The following MYO3B variants were observed in gnomAD, a reference collection of about 807,000 sequenced individuals.
MYO3B encodes the protein myosin IIIB.
In MYO3B, 156 loss-of-function variants were observed where a neutral mutation model predicts 174.6. That is an observed-to-expected ratio of 0.89 (90% CI 0.78 to 1.02). The LOEUF is 1.02. Among genes scored for constraint, MYO3B ranks in the 50% least tolerant of loss-of-function variants. MYO3B has a pLI of 0.00. For missense variants in MYO3B, 1,632 were observed against 1,639.4 expected (o/e 1.00, Z 0.08); for synonymous variants, 563 against 569.1 (o/e 0.99, Z 0.15).
Position 170,515,950 on chromosome 2 carries a change from T to G in MYO3B, c.3472+928T>G, listed in dbSNP as rs1377480763. ...AGTGTTTCTTGAACTTGAGGAGACT[T>G]GGGGATGGAGACAATGAGAAAGTTT... On this transcript the variant is annotated intron_variant, in intron 29 of 34. Coordinates refer to ENST00000408978, the MANE Select transcript of MYO3B (RefSeq NM_138995.5). 2.0e-5 allele frequency among the ~76,000 whole-genome samples: 3 copies of G among 152,114 alleles called. No homozygotes were observed. The East Asian group carries it at 5.8e-4, about 29-fold the overall frequency.
intron 7 of MYO3B, among the ~76,000 whole-genome samples, chr2:170,274,133 A>G (rs1260334962): frequency 6.6e-6 from 1 of 152,060 alleles, no homozygotes; most frequent in Non-Finnish European, 1.5e-5. Context: ...AGAGACCAAG[A>G]TGGCTTTAGA....
At chr2:170,527,360 T>C (rs575501895) in intron 30 of MYO3B, among the ~76,000 whole-genome samples, 2 of 152,342 alleles carry the variant, frequency 1.3e-5, no homozygotes, top group African/African-American at 4.8e-5. Flanking sequence ...ACCCATAGTG[T>C]TTGGGTAGAA....
At chr2:170,401,792 C>CTTTATT in intron 18 of MYO3B, 101 bp downstream of exon 18, 67 of 802,880 alleles carry the variant, frequency 8.3e-5, no homozygotes, top group Middle Eastern at 3.7e-4. Context: ...CTGGGATTTT[C>CTTTATT]TTTCTTTTTC....
intron 14 of MYO3B, 125 bp from the exon 15 acceptor site, chr2:170,391,395 A>C (rs1234458752): frequency 7.3e-6 from 4 of 546,248 alleles, no homozygotes; most frequent in African/African-American, 5.9e-5. Context: ...GGGATTTATA[A>C]TATTTAATTG....
chr2:170,205,582 T>C (rs2092705852), intron 3 of MYO3B, among the ~76,000 whole-genome samples: 1 of 152,144 alleles, frequency 6.6e-6, no homozygotes, highest in Admixed American at 6.6e-5. Context: ...TCTCACAGTT[T>C]CCCTAGACTC....
chr2:170,379,835 T>C (rs13385125), intron 9 of MYO3B, among the ~76,000 whole-genome samples: 98,843 of 152,102 alleles, frequency 0.65, 33,043 homozygotes, highest in Non-Finnish European at 0.73. Flanking sequence ...AGATGACTAA[T>C]AGCATGCTTC....
chr2:170,616,701 A>G (rs1354308226), intron 32 of MYO3B, among the ~76,000 whole-genome samples: 1 of 152,220 alleles, frequency 6.6e-6, no homozygotes, highest in Non-Finnish European at 1.5e-5. Context: ...AATTAACGAT[A>G]GTGGATCCTC....
At chr2:170,377,785 C>T (rs1490120121) in intron 9 of MYO3B, among the ~76,000 whole-genome samples, 1 of 152,176 alleles carries the variant, frequency 6.6e-6, no homozygotes, top group Non-Finnish European at 1.5e-5. Flanking sequence ...AATTTGAAAA[C>T]GTCTTCTGAG....
At chr2:170,546,872 G>T (rs1229202139) in intron 32 of MYO3B, among the ~76,000 whole-genome samples, 1 of 152,138 alleles carries the variant, frequency 6.6e-6, no homozygotes, top group Non-Finnish European at 1.5e-5. Context: ...CTTGCAGTGA[G>T]GCCTAACTTC....
At chr2:170,632,903 C>A (rs185750668) in intron 32 of MYO3B, among the ~76,000 whole-genome samples, 1 of 131,854 alleles carries the variant, frequency 7.6e-6, no homozygotes, top group African/African-American at 2.7e-5. Flanking sequence ...ATAAATTCCT[C>A]GACACTTATA....
intron 23 of MYO3B, among the ~76,000 whole-genome samples, chr2:170,455,235 T>C (rs374012263): frequency 6.2e-4 from 95 of 152,342 alleles, no homozygotes; most frequent in African/African-American, 2.0e-3. Context: ...AGGGCTGTTA[T>C]TGTCTTTGTT....
chr2:170,649,803 G>A (rs1278645505), intron 32 of MYO3B: 1 of 141,426 alleles, frequency 7.1e-6, no homozygotes, highest in Admixed American at 7.4e-5. Flanking sequence ...CTCCAGCCTG[G>A]GCAACAGTGA....
intron 25 of MYO3B, among the ~76,000 whole-genome samples, chr2:170,489,167 C>T (rs1320586887): frequency 6.6e-6 from 1 of 152,192 alleles, no homozygotes; most frequent in East Asian, 1.9e-4. Flanking sequence ...CTAAATTTCT[C>T]ACCTTGGGCC....
At chr2:170,465,306 A>G (rs540226502) in intron 24 of MYO3B, among the ~76,000 whole-genome samples, 1 of 152,272 alleles carries the variant, frequency 6.6e-6, no homozygotes, top group Non-Finnish European at 1.5e-5. Flanking sequence ...GGCGTGTTAC[A>G]TGGCAAGAGA....
chr2:170,646,262 ACT>A (rs747800193), intron 32 of MYO3B, among the ~76,000 whole-genome samples: 62 of 147,362 alleles, frequency 4.2e-4, no homozygotes, highest in Middle Eastern at 7.0e-3. Context: ...GAAGAGCGAA[ACT>A]CTGTCTCAAA....
intron 30 of MYO3B, among the ~76,000 whole-genome samples, chr2:170,540,659 AAAC>A (rs939198953): frequency 8.1e-5 from 11 of 136,206 alleles, no homozygotes; most frequent in Admixed American, 3.6e-4. Context: ...CAAAAACAAA[AAAC>A]AACAAAAAAA....
At chr2:170,618,204 T>C (rs987682923) in intron 32 of MYO3B, among the ~76,000 whole-genome samples, 1 of 152,166 alleles carries the variant, frequency 6.6e-6, no homozygotes, top group East Asian at 1.9e-4. Context: ...GAACCAGGCA[T>C]CCAAATACTA....
At chr2:170,565,034 T>C (rs1049900871) in intron 32 of MYO3B, among the ~76,000 whole-genome samples, 1 of 152,106 alleles carries the variant, frequency 6.6e-6, no homozygotes, top group African/African-American at 2.4e-5. Context: ...AGAAAGAAAT[T>C]GACAAAGAAT....
At chr2:170,504,798 G>C (rs1430859750) in intron 28 of MYO3B, among the ~76,000 whole-genome samples, 1 of 152,082 alleles carries the variant, frequency 6.6e-6, no homozygotes. Flanking sequence ...GAAATAATCT[G>C]CCTGGCTAAT....
Sources: allele counts gnomAD v4.1 joint callset (sites outside exome capture counted in the v4.1 genomes callset), GRCh38; gene constraint gnomAD v4.1.1; transcripts MANE v1.5; gene names NCBI Gene and HGNC (gene_info 2026-07-23, HGNC 2026-07-21).